The following LYPLA1 variants were observed in gnomAD, a reference collection of about 807,000 sequenced individuals.
LYPLA1 encodes acyl-protein thioesterase 1.
Under a neutral mutation model 34.0 loss-of-function variants are expected in LYPLA1, and 17 were observed. That is an observed-to-expected ratio of 0.50 (90% CI 0.34 to 0.75). The LOEUF (loss-of-function observed/expected upper bound fraction) is 0.75, where lower values mean the gene tolerates loss of function less well. Ranked by LOEUF, LYPLA1 falls within the 30% of genes least tolerant of loss-of-function variation. The probability of loss-of-function intolerance (pLI) is 0.01; values close to 1 mark genes in which losing one functional copy is unlikely to be tolerated. For synonymous variants in LYPLA1, 98 were observed against 100.8 expected, an observed-to-expected ratio of 0.97 and a Z score of 0.17; for missense variants, 203 against 288.8, an observed-to-expected ratio of 0.70 and a Z score of 2.15.
chr8:54,061,927 C>T (rs1213714444), intron 5 of LYPLA1, among the ~76,000 whole-genome samples: 1 of 152,184 alleles, frequency 6.6e-6, no homozygotes, highest in Non-Finnish European at 1.5e-5. Context: ...GCGATCTCAG[C>T]TCACTGCAAC....
chr8:54,077,600 A>G (rs961904072), intron 2 of LYPLA1, among the ~76,000 whole-genome samples: 3 of 152,218 alleles, frequency 2.0e-5, no homozygotes, highest in South Asian at 2.1e-4. Context: ...GATACAGACC[A>G]GCCTGGCCAA....
At chr8:54,049,610 C>T (rs1466648930) in intron 8 of LYPLA1, among the ~76,000 whole-genome samples, 1 of 152,168 alleles carries the variant, frequency 6.6e-6, no homozygotes, top group African/African-American at 2.4e-5. Flanking sequence ...TCTTTTAAGG[C>T]AAGCACTATA....
intron 6 of LYPLA1, chr8:54,053,146 G>C (rs1805966691): frequency 5.7e-6 from 1 of 174,386 alleles, no homozygotes; most frequent in South Asian, 1.3e-4. Context: ...CCAGGCTGGA[G>C]AGTAATGGTG....
intron 2 of LYPLA1, among the ~76,000 whole-genome samples, chr8:54,082,225 C>G (rs73681307): frequency 0.13 from 19,179 of 152,126 alleles, 3,213 homozygotes; most frequent in African/African-American, 0.39. Flanking sequence ...TTAGTTTCAG[C>G]TATGAAAATC....
intron 7 of LYPLA1, among the ~76,000 whole-genome samples, 172 bp from the exon 8 acceptor site, chr8:54,051,360 T>C (rs753147714): frequency 6.6e-6 from 1 of 152,236 alleles, no homozygotes; most frequent in Non-Finnish European, 1.5e-5. Context: ...TTGACTTCTA[T>C]AGGATGTATG....
At chr8:54,090,166 C>A (rs1242819929) in intron 2 of LYPLA1, among the ~76,000 whole-genome samples, 1 of 152,208 alleles carries the variant, frequency 6.6e-6, no homozygotes, top group African/African-American at 2.4e-5. Context: ...ATTGGGGGCG[C>A]CTGTCCACAT....
At chr8:54,098,468 C>A (rs2129374250) in intron 2 of LYPLA1, among the ~76,000 whole-genome samples, 1 of 152,268 alleles carries the variant, frequency 6.6e-6, no homozygotes, top group East Asian at 1.9e-4. Context: ...CACTAGAGGT[C>A]AGGAGTTCAA....
At chr8:54,080,553 T>C (rs910524718) in intron 2 of LYPLA1, among the ~76,000 whole-genome samples, 1 of 152,218 alleles carries the variant, frequency 6.6e-6, no homozygotes, top group Non-Finnish European at 1.5e-5. Context: ...TGATGGTGAC[T>C]ATAGAAACAG....
intron 2 of LYPLA1, among the ~76,000 whole-genome samples, chr8:54,081,601 A>G (rs1042918114): frequency 2.0e-5 from 3 of 151,206 alleles, no homozygotes; most frequent in Non-Finnish European, 2.9e-5. Flanking sequence ...GCGCGCCACC[A>G]TGACAGGGTT....
intron 2 of LYPLA1, among the ~76,000 whole-genome samples, chr8:54,069,284 G>A (rs1268471797): frequency 6.6e-6 from 1 of 152,206 alleles, no homozygotes; most frequent in African/African-American, 2.4e-5. Flanking sequence ...ATAAATGTTT[G>A]AGGTGATGGA....
At chr8:54,075,452 C>T (rs182067334) in intron 2 of LYPLA1, among the ~76,000 whole-genome samples, 8 of 152,268 alleles carry the variant, frequency 5.3e-5, no homozygotes, top group African/African-American at 1.9e-4. Context: ...GCAGCCATGT[C>T]GAGACGGACG....
chr8:54,077,236 C>A (rs1050663926), intron 2 of LYPLA1, among the ~76,000 whole-genome samples: 7 of 152,044 alleles, frequency 4.6e-5, no homozygotes, highest in Non-Finnish European at 1.5e-5. Context: ...CAAACCATCA[C>A]AGGAACCGAA....
chr8:54,062,489 C>CTATTTATTTAT (rs1806725191), intron 4 of LYPLA1, among the ~76,000 whole-genome samples, 165 bp from the exon 5 acceptor site: 2 of 148,936 alleles, frequency 1.3e-5, no homozygotes, highest in African/African-American at 4.9e-5. Flanking sequence ...CGAAGTCTCA[C>CTATTTATTTAT]TATTTATTTA....
rs1279678899 is a variant in LYPLA1, at chr8:54,047,086, GAT to G, written c.*977_*978del. ...GTTAGTTTTTAAGATCAGTCTTAAA[GAT>G]ATTTCAGAACATACTAGAATATGAT... is the stretch of plus-strand genomic sequence containing the variant. On this transcript the variant is annotated 3_prime_UTR_variant, in exon 9 of 9. Transcript: ENST00000316963. 1 of 152,092 alleles carries G rather than the reference GAT, an allele frequency of 6.6e-6. No homozygotes were observed. Among genetic ancestry groups the G allele is most frequent in the Non-Finnish European group, 1.5e-5 (1 of 67,966 alleles). The allele number at this position is 152,092 out of a possible 1,614,324, so 9.4% of individuals were successfully genotyped here. A position where few individuals can be genotyped will look rare whatever the true frequency, so the allele number is the denominator to read the frequency against.
chr8:54,073,414 C>T (rs1426083512), intron 2 of LYPLA1: 2 of 776,048 alleles, frequency 2.6e-6, no homozygotes, highest in Admixed American at 3.4e-5. Context: ...CTGGCACGGC[C>T]AGCTCCGCTG....
chr8:54,051,374 A>G (rs745452729), intron 7 of LYPLA1, among the ~76,000 whole-genome samples, 186 bp from the exon 8 acceptor site: 15 of 152,192 alleles, frequency 9.9e-5, no homozygotes, highest in Non-Finnish European at 1.8e-4. Flanking sequence ...ATGTATGATC[A>G]CCTTGCCTCA....
At chr8:54,086,910 A>C in intron 2 of LYPLA1, among the ~76,000 whole-genome samples, 1 of 152,150 alleles carries the variant, frequency 6.6e-6, no homozygotes, top group East Asian at 1.9e-4. Context: ...AAACTACCAA[A>C]CCAAATCTAT....
chr8:54,054,493 CA>C (rs1806065905), intron 6 of LYPLA1: 1 of 152,094 alleles, frequency 6.6e-6, no homozygotes, highest in Admixed American at 6.6e-5. Flanking sequence ...TAAGGTAATC[CA>C]AACACTAAGT....
At chr8:54,098,684 A>T (rs1001883006) in intron 2 of LYPLA1, among the ~76,000 whole-genome samples, 1 of 152,240 alleles carries the variant, frequency 6.6e-6, no homozygotes, top group African/African-American at 2.4e-5. Flanking sequence ...CCATCTCAAA[A>T]AATAATAATA....
Sources: gnomAD v4.1 joint callset for allele counts (sites outside exome capture counted in the v4.1 genomes callset) on GRCh38, gnomAD v4.1.1 for gene constraint, MANE v1.5 for transcripts, NCBI Gene and HGNC (gene_info 2026-07-23, HGNC 2026-07-21) for gene names.